The following SLC39A12 variants were observed in gnomAD, a reference collection of about 807,000 sequenced individuals.
SLC39A12 encodes the protein solute carrier family 39 member 12, also known as zinc transporter ZIP12.
In SLC39A12, 63 loss-of-function variants were observed where a neutral mutation model predicts 71.1. The observed-to-expected ratio is 0.89, with a 90% CI of 0.72 to 1.09. SLC39A12 has a LOEUF of 1.09. SLC39A12 is among the 50% of genes least tolerant of loss of function. The probability of loss-of-function intolerance (pLI) is 0.00; values close to 1 mark genes in which losing one functional copy is unlikely to be tolerated. For synonymous variants in SLC39A12, 351 were observed against 301.3 expected (o/e 1.16, Z -1.71); for missense variants, 892 against 812.6 (o/e 1.10, Z -1.19).
At chr10:17,986,080 C>G (rs1835389564) in intron 6 of SLC39A12, among the ~76,000 whole-genome samples, 1 of 152,172 alleles carries the variant, frequency 6.6e-6, no homozygotes, top group African/African-American at 2.4e-5. Flanking sequence ...TGTACACAAA[C>G]ATAGGTCTAC....
intron 10 of SLC39A12, among the ~76,000 whole-genome samples, chr10:17,999,255 A>C (rs1221064675): frequency 7.4e-6 from 1 of 134,756 alleles, no homozygotes; most frequent in Non-Finnish European, 1.5e-5. Context: ...AGATCATGCT[A>C]CTGCACTCCA....
At chr10:18,009,481 A>G (rs1170807006) in intron 12 of SLC39A12, among the ~76,000 whole-genome samples, 1 of 152,178 alleles carries the variant, frequency 6.6e-6, no homozygotes, top group African/African-American at 2.4e-5. Flanking sequence ...CTCCCTCACC[A>G]TATAGGGTTC....
intron 12 of SLC39A12, among the ~76,000 whole-genome samples, chr10:18,024,597 T>C (rs1836623262): frequency 6.6e-6 from 1 of 152,198 alleles, no homozygotes; most frequent in Non-Finnish European, 1.5e-5. Flanking sequence ...GAAGAGCTAG[T>C]GTTTACTTGC....
intron 8 of SLC39A12, among the ~76,000 whole-genome samples, chr10:17,991,679 C>G (rs1359539931): frequency 6.6e-6 from 1 of 152,130 alleles, no homozygotes; most frequent in Non-Finnish European, 1.5e-5. Flanking sequence ...ATGTAATTTT[C>G]TGTCTTAAAG....
At chr10:18,042,646 G>A (rs1038990632) in intron 12 of SLC39A12, 59 bp from the exon 13 acceptor site, 7 of 1,522,532 alleles carry the variant, frequency 4.6e-6, no homozygotes, top group Non-Finnish European at 5.3e-6. Flanking sequence ...TTCCCACCAA[G>A]CTTTTCCCAG....
In SLC39A12 at chr10:17,995,662, C is replaced by T. The variant is rs748439563; in HGVS notation, c.1540C>T (p.Pro514Ser). 2 of 1,612,156 alleles carry T rather than the reference C, an allele frequency of 1.2e-6. No individual in the cohort carries two copies. Among genetic ancestry groups the T allele is most frequent in the Non-Finnish European group, 1.7e-6 (2 of 1,179,296 alleles). The change falls in exon 10 of 13, where the codon CCA becomes TCA. Residue 514 changes from proline (P) to serine (S), a missense_variant. Pro to Ser is a moderately conservative substitution (Grantham distance 74). Coordinates refer to ENST00000377369, the MANE Select transcript of SLC39A12 (RefSeq NM_001145195.2). ...KSASTIQLKS[P>S]EDSQAAEMPI... is the part of the protein sequence containing the mutation. ...ATTTTTTAATTTAAAATAGAAAAGC[C>T]CAGAAGATTCACAGGCAGCTGAAAT...
intron 12 of SLC39A12, among the ~76,000 whole-genome samples, chr10:18,036,790 A>ATTTTTTTT (rs1464293480): frequency 5.8e-5 from 4 of 69,224 alleles, no homozygotes; most frequent in African/African-American, 2.4e-4. Context: ...ATATATATAT[A>ATTTTTTTT]TATATTTTTT....
intron 3 of SLC39A12, among the ~76,000 whole-genome samples, chr10:17,962,772 C>G (rs1834724962): frequency 6.6e-6 from 1 of 152,134 alleles, no homozygotes. Context: ...AAGCTGTTTG[C>G]TAAGGACTTT....
At chr10:18,022,841 G>T (rs1836572059) in intron 12 of SLC39A12, among the ~76,000 whole-genome samples, 1 of 152,184 alleles carries the variant, frequency 6.6e-6, no homozygotes, top group Non-Finnish European at 1.5e-5. Context: ...CCAAGGCTTT[G>T]TGCAAGTTCT....
chr10:17,991,840 G>A (rs1835556048), intron 8 of SLC39A12, among the ~76,000 whole-genome samples: 1 of 152,064 alleles, frequency 6.6e-6, no homozygotes, highest in African/African-American at 2.4e-5. Flanking sequence ...TGTAATTTCA[G>A]CACTTTGGGA....
At chr10:18,027,287 C>T (rs2130884866) in intron 12 of SLC39A12, among the ~76,000 whole-genome samples, 1 of 152,300 alleles carries the variant, frequency 6.6e-6, no homozygotes, top group Non-Finnish European at 1.5e-5. Context: ...CTAGAAAGAG[C>T]TGAAATTGGG....
At chr10:17,988,205 G>T (rs562105176) in intron 7 of SLC39A12, among the ~76,000 whole-genome samples, 3 of 152,182 alleles carry the variant, frequency 2.0e-5, no homozygotes, top group Non-Finnish European at 4.4e-5. Context: ...CTACTCGGGA[G>T]GCTGAGACAG....
intron 4 of SLC39A12, among the ~76,000 whole-genome samples, chr10:17,974,450 A>G (rs376733658): frequency 1.1e-4 from 16 of 152,216 alleles, no homozygotes. Context: ...TGTATGATCT[A>G]TGCTGTATCT....
chr10:17,970,269 G>A (rs1192121425), intron 4 of SLC39A12, among the ~76,000 whole-genome samples: 5 of 152,056 alleles, frequency 3.3e-5, no homozygotes, highest in Admixed American at 3.3e-4. Flanking sequence ...GACTGTTCTG[G>A]ATCTTTTGTG....
intron 4 of SLC39A12, among the ~76,000 whole-genome samples, chr10:17,970,063 G>A (rs891742145): frequency 6.6e-6 from 1 of 152,138 alleles, no homozygotes; most frequent in African/African-American, 2.4e-5. Flanking sequence ...CCCAGTGTAT[G>A]TTCTTGGGAC....
rs1835158483 is a variant in SLC39A12, at chr10:17,978,049, A to T, written c.899A>T (p.Glu300Val). ...TCTTCATCCATGGAAAAAGAGTCTG[A>T]GGATGGTCCAGTTTCCTGGGATCAG... ...NFSSSMEKESEDGPVSWDQTC... is the reference protein window; with the variant it reads ...NFSSSMEKESVDGPVSWDQTC... The change falls in exon 5 of 13, where the codon GAG (glutamate) becomes GTG (valine). Residue 300 changes from glutamate (E) to valine (V), a missense_variant. Physicochemically the swap from Glu to Val is moderately radical, Grantham distance 121 (BLOSUM62 -2). Coordinates refer to ENST00000377369, the MANE Select transcript of SLC39A12 (RefSeq NM_001145195.2). 6.2e-7 allele frequency: 1 copy of T among 1,603,434 alleles called. No individual in the cohort carries two copies. The highest frequency in any genetic ancestry group is 1.1e-5 in the South Asian group (1 of 88,888).
At chr10:17,992,451 C>T (rs1835578579) in intron 8 of SLC39A12, among the ~76,000 whole-genome samples, 1 of 152,252 alleles carries the variant, frequency 6.6e-6, no homozygotes, top group Admixed American at 6.5e-5. Flanking sequence ...AACTAGGATG[C>T]TATGGTAATT....
In SLC39A12 at chr10:18,041,585, C is replaced by T. The variant is rs1341044541; in HGVS notation, c.1948-1120C>T. ...ACACATACACACACACATACATACACACACCATATATATGTGTATATATAT... is the reference window on the plus strand; with the variant it reads ...ACACATACACACACACATACATACATACACCATATATATGTGTATATATAT... On this transcript the variant is annotated intron_variant, in intron 12 of 12. Coordinates refer to ENST00000377369, the MANE Select transcript of SLC39A12 (RefSeq NM_001145195.2). 1.8e-4 allele frequency among the ~76,000 whole-genome samples: 24 copies of T among 131,590 alleles called. 1 individual carries two copies. Among genetic ancestry groups the T allele is most frequent in the African/African-American group, 6.5e-4 (21 of 32,510 alleles). The allele number at this position is 131,590 out of a possible 152,430, so 86.3% of individuals were successfully genotyped here.
intron 6 of SLC39A12, among the ~76,000 whole-genome samples, chr10:17,982,703 T>G (rs1835291629): frequency 6.8e-6 from 1 of 146,380 alleles, no homozygotes; most frequent in Non-Finnish European, 1.5e-5. Context: ...GACAGCACTG[T>G]GGCACCTAGG....
Sources: allele counts gnomAD v4.1 joint callset (sites outside exome capture counted in the v4.1 genomes callset), GRCh38; gene constraint gnomAD v4.1.1; transcripts MANE v1.5; gene names NCBI Gene and HGNC (gene_info 2026-07-23, HGNC 2026-07-21).